DLGAP2: variants seen among roughly 807,000 people sequenced by gnomAD.
DLGAP2 encodes the protein disks large-associated protein 2.
In DLGAP2, 26 loss-of-function variants were observed where a neutral mutation model predicts 100.3. The ratio of observed to expected loss-of-function variants is 0.26; its 90% CI spans 0.19 to 0.36. The LOEUF (loss-of-function observed/expected upper bound fraction) is 0.36, where lower values mean the gene tolerates loss of function less well. Among genes scored for constraint, DLGAP2 ranks in the 10% least tolerant of loss-of-function variants. The pLI, the probability that DLGAP2 is intolerant of heterozygous loss-of-function variation, is 1.00. For synonymous variants in DLGAP2, 886 were observed against 630.1 expected (o/e 1.41, Z -6.08); for missense variants, 1,858 against 1,453.2 (o/e 1.28, Z -4.53).
chr8:1,329,047 A>T (rs73170459), intron 3 of DLGAP2, among the ~76,000 whole-genome samples: 6 of 152,228 alleles, frequency 3.9e-5, no homozygotes, highest in African/African-American at 1.4e-4. Flanking sequence ...TGCTCTCGTG[A>T]TGACTTGGCT....
rs538455924 is a variant in DLGAP2, at chr8:1,473,370, G to A, written c.107-27996G>A. Among the ~76,000 whole-genome samples the A allele has an allele frequency of 5.3e-5, 8 of 152,226 alleles. 1 individual carries two copies. Among genetic ancestry groups the A allele is most frequent in the African/African-American group, 1.2e-4 (5 of 41,470 alleles). On this transcript the variant is annotated intron_variant, in intron 3 of 14. Coordinates refer to ENST00000637795, the MANE Select transcript of DLGAP2 (RefSeq NM_001346810.2). ...CTCAGGGATGAGAGGAACGGAGAAC[G>A]GAGCCTGCAGTGAGGGAGAATCTCA...
intron 3 of DLGAP2, among the ~76,000 whole-genome samples, chr8:1,445,518 T>G (rs964950111): frequency 8.6e-5 from 13 of 152,020 alleles, no homozygotes; most frequent in Non-Finnish European, 1.9e-4. Context: ...GTTCCAAGTC[T>G]TTGCTATTGT....
Position 943,777 on chromosome 8 carries a change from G to T in DLGAP2, c.73+35811G>T, listed in dbSNP as rs75473343. ...CTGTACACGATCATGTGGAGGAGCT[G>T]GTAGTAAATTTTGATCTAACGCACT... On this transcript the variant is annotated intron_variant, in intron 2 of 14. Transcript: ENST00000637795. Among the ~76,000 whole-genome samples the T allele has an allele frequency of 4.9e-3, 745 of 152,386 alleles. 6 individuals carry two copies. The highest frequency in any genetic ancestry group is 0.017 in the African/African-American group (710 of 41,590).
rs550735558 is a variant in DLGAP2, at chr8:1,316,615, G to C, written c.106+57732G>C. On this transcript the variant is annotated intron_variant, in intron 3 of 14. Coordinates refer to ENST00000637795, the MANE Select transcript of DLGAP2 (RefSeq NM_001346810.2). ...AGACACTCGGCAGCGTTTAAAAATAGAGCGTGTGCGAGTGCAGCGTCTCTC... is the reference window on the plus strand; with the variant it reads ...AGACACTCGGCAGCGTTTAAAAATACAGCGTGTGCGAGTGCAGCGTCTCTC... 3.1e-3 allele frequency among the ~76,000 whole-genome samples: 440 copies of C among 141,588 alleles called. 1 individual carries two copies. Among genetic ancestry groups the C allele is most frequent in the South Asian group, 0.01 (44 of 4,320 alleles). The allele number at this position is 141,588 out of a possible 152,430, so 92.9% of individuals were successfully genotyped here. A position where few individuals can be genotyped will look rare whatever the true frequency, so the allele number is the denominator to read the frequency against.
chr8:1,516,227 A>G (rs565418112), intron 4 of DLGAP2, among the ~76,000 whole-genome samples: 1 of 151,630 alleles, frequency 6.6e-6, no homozygotes, highest in African/African-American at 2.4e-5. Flanking sequence ...GAGTGAGTGA[A>G]TGAGTGAGTT....
intron 2 of DLGAP2, among the ~76,000 whole-genome samples, chr8:1,196,631 A>T (rs534401561): frequency 6.6e-6 from 1 of 152,318 alleles, no homozygotes; most frequent in Non-Finnish European, 1.5e-5. Flanking sequence ...CGAGGGGGGT[A>T]TCTCTGAGAT....
chr8:1,051,262 A>G (rs1802701434), intron 2 of DLGAP2, among the ~76,000 whole-genome samples: 1 of 152,024 alleles, frequency 6.6e-6, no homozygotes. Flanking sequence ...ATTGAAGGGA[A>G]CCCAGGCTCT....
Position 784,022 on chromosome 8 carries a change from G to T in DLGAP2, c.18+46197G>T, listed in dbSNP as rs1821772390. Among the ~76,000 whole-genome samples the T allele has an allele frequency of 3.3e-5, 5 of 152,170 alleles. No homozygotes were observed. The South Asian group carries it at 1.0e-3, about 32-fold the overall frequency. The stretch of plus-strand genomic sequence containing the variant: ...GCCATCGCCAGAATAACACACTTAT[G>T]TTCCATCCAGGTATTAATGCAATCT... On this transcript the variant is annotated intron_variant, in intron 1 of 14. Transcript: ENST00000637795.
At chr8:1,444,691 C>G (rs546482622) in intron 3 of DLGAP2, among the ~76,000 whole-genome samples, 2 of 151,204 alleles carry the variant, frequency 1.3e-5, no homozygotes, top group Non-Finnish European at 2.9e-5. Flanking sequence ...GTGTCACCAT[C>G]TGCAGTCCCC....
chr8:1,189,386 G>A (rs1797587097), intron 2 of DLGAP2, among the ~76,000 whole-genome samples: 1 of 152,196 alleles, frequency 6.6e-6, no homozygotes, highest in Non-Finnish European at 1.5e-5. Flanking sequence ...ATAACATTAA[G>A]ACACTGAACC....
chr8:1,038,737 A>C (rs1391808671), intron 2 of DLGAP2, among the ~76,000 whole-genome samples: 1 of 152,246 alleles, frequency 6.6e-6, no homozygotes, highest in Non-Finnish European at 1.5e-5. Flanking sequence ...AAAATATGAC[A>C]GTAGGTGAGG....
At chr8:1,408,962 C>T (rs1452049111) in intron 3 of DLGAP2, among the ~76,000 whole-genome samples, 1 of 152,240 alleles carries the variant, frequency 6.6e-6, no homozygotes, top group Non-Finnish European at 1.5e-5. Context: ...TAATCGATGT[C>T]TGTTGGGGAA....
At chr8:1,444,751 ATGCTT>A (rs1797934438) in intron 3 of DLGAP2, among the ~76,000 whole-genome samples, 3 of 141,172 alleles carry the variant, frequency 2.1e-5, no homozygotes, top group East Asian at 4.1e-4. Flanking sequence ...TTTCATGATC[ATGCTT>A]TGAGCCAGGT....
At chr8:782,316 A>T (rs1821713863) in intron 1 of DLGAP2, among the ~76,000 whole-genome samples, 2 of 152,134 alleles carry the variant, frequency 1.3e-5, no homozygotes, top group Non-Finnish European at 2.9e-5. Context: ...TAGTATCTTG[A>T]TAGAATTTTA....
chr8:909,773 T>G (rs1421875549), intron 2 of DLGAP2, among the ~76,000 whole-genome samples: 4 of 152,192 alleles, frequency 2.6e-5, no homozygotes, highest in African/African-American at 9.6e-5. Context: ...ATTATAACTC[T>G]TAAAAGTGTA....
At chr8:825,980 C>T (rs764451177) in intron 1 of DLGAP2, among the ~76,000 whole-genome samples, 2 of 151,894 alleles carry the variant, frequency 1.3e-5, no homozygotes, top group African/African-American at 4.8e-5. Flanking sequence ...ACCAGCCTTT[C>T]TTACCCTCCA....
chr8:1,141,557 TCAGA>T (rs1366813049), intron 2 of DLGAP2, among the ~76,000 whole-genome samples: 2 of 152,176 alleles, frequency 1.3e-5, no homozygotes, highest in African/African-American at 4.8e-5. Flanking sequence ...TAATGGGAAC[TCAGA>T]CAGCCATAAC....
intron 2 of DLGAP2, among the ~76,000 whole-genome samples, chr8:1,129,376 C>T (rs899535795): frequency 6.8e-5 from 10 of 146,420 alleles, no homozygotes; most frequent in Admixed American, 1.4e-4. Flanking sequence ...GCACTCCAGC[C>T]GGGAGACAGA....
chr8:1,386,982 A>C (rs763380663), intron 3 of DLGAP2, among the ~76,000 whole-genome samples: 3 of 152,232 alleles, frequency 2.0e-5, no homozygotes, highest in Admixed American at 6.5e-5. Context: ...ATTCACATTG[A>C]ATAATGTTTA....
Sources: gnomAD v4.1 joint callset for allele counts (sites outside exome capture counted in the v4.1 genomes callset) on GRCh38, gnomAD v4.1.1 for gene constraint, MANE v1.5 for transcripts, NCBI Gene and HGNC (gene_info 2026-07-23, HGNC 2026-07-21) for gene names.